CACNA1G: variants seen among roughly 807,000 people sequenced by gnomAD.
The protein encoded by CACNA1G is calcium voltage-gated channel subunit alpha1 G.
CACNA1G carries 67 observed loss-of-function variants against 219.4 expected under a neutral mutation model. The observed-to-expected ratio is 0.31, with a 90% CI of 0.25 to 0.37. The LOEUF (loss-of-function observed/expected upper bound fraction) is 0.37. CACNA1G is among the 10% of genes least tolerant of loss of function. The pLI is 1.00. For missense variants in CACNA1G, 2,380 were observed against 3,231.4 expected (o/e 0.74, Z 6.39); for synonymous variants, 1,296 against 1,345.3 (o/e 0.96, Z 0.80).
intron 19 of CACNA1G, among the ~76,000 whole-genome samples, chr17:50,601,926 C>A (rs554952717): frequency 1.3e-5 from 2 of 152,136 alleles, no homozygotes; most frequent in Non-Finnish European, 1.5e-5. Flanking sequence ...TAGATTTCAG[C>A]GCTGCTGGGG....
intron 8 of CACNA1G, among the ~76,000 whole-genome samples, chr17:50,576,809 G>A (rs567989292): frequency 1.3e-5 from 2 of 152,360 alleles, no homozygotes; most frequent in South Asian, 4.1e-4. Context: ...TTGTTGTGAG[G>A]CTCAGAGAGG....
intron 14 of CACNA1G, among the ~76,000 whole-genome samples, chr17:50,595,734 A>T (rs1040582692): frequency 1.3e-5 from 2 of 152,238 alleles, no homozygotes; most frequent in Non-Finnish European, 2.9e-5. Flanking sequence ...CGAAGCCAGC[A>T]TTCCTGTGGG....
At position 50,623,950 on chromosome 17, in the gene CACNA1G, C is replaced by T; in HGVS notation, c.6104C>T (p.Thr2035Ile). The T allele has an allele frequency of 6.2e-7, 1 of 1,613,320 alleles. No individual in the cohort carries two copies. The highest frequency in any genetic ancestry group is 8.5e-7 in the Non-Finnish European group (1 of 1,179,814). ...PTELPGPDLL[T>I]VRKSGVSRTH... ...GAGCTGCCAGGACCAGACTTACTGACTGTGCGGAAGTCTGGGGTCAGCCGA... is the reference window on the plus strand; with the variant it reads ...GAGCTGCCAGGACCAGACTTACTGATTGTGCGGAAGTCTGGGGTCAGCCGA... Residue 2035 changes from threonine to isoleucine, a missense_variant, in exon 36 of 38, where the codon ACT (threonine) becomes ATT (isoleucine). Thr to Ile is a moderately conservative substitution (Grantham distance 89, BLOSUM62 -1). This residue lies in a region of CACNA1G where 672 missense variants were observed against 670.5 expected (regional missense o/e 1.00). Transcript: ENST00000359106.
intron 26 of CACNA1G, among the ~76,000 whole-genome samples, chr17:50,612,408 G>C (rs1442369274): frequency 2.6e-5 from 4 of 152,248 alleles, no homozygotes; most frequent in African/African-American, 9.7e-5. Context: ...AGGGACCGGG[G>C]CTGCTGGGTC....
chr17:50,591,625 G>GGGC lies in CACNA1G; in HGVS notation c.2639+9_2639+11dup, dbSNP rs779696128. On this transcript the variant is annotated splice_donor_region_variant and intron_variant, in intron 11 of 37. Coordinates refer to ENST00000359106, the MANE Select transcript of CACNA1G (RefSeq NM_018896.5). ...GCTCTTCATCTTCATCTTCAGGTGA[G>GGGC]GGCGGCATGGCACCTTGCCGGCTGA... 3 of 1,612,632 alleles carry GGGC rather than the reference G, an allele frequency of 1.9e-6. No individual in the cohort carries two copies. The South Asian group carries it at 3.3e-5, about 18-fold the overall frequency.
At position 50,626,332 on chromosome 17, in the gene CACNA1G, T is replaced by TC; in HGVS notation, c.6719dup (p.Arg2241ThrfsTer24). On this transcript the variant is annotated frameshift_variant, in exon 38 of 38. Transcript: ENST00000359106. LOFTEE classifies it high-confidence loss of function. This position sits in a 1 kb window ranked among gnomAD's most constrained non-coding sequence, Gnocchi z 4.3. ...CCCTGGCGGCCAGGAGGAGCCCCCATCCCCACGGGACCTGAAGAAGTGCTA... is the reference window on the plus strand; with the variant it reads ...CCCTGGCGGCCAGGAGGAGCCCCCATCCCCCACGGGACCTGAAGAAGTGCTA... 2 of 1,612,892 alleles carry TC rather than the reference T, an allele frequency of 1.2e-6. No individual in the cohort carries two copies. The highest frequency in any genetic ancestry group is 1.7e-6 in the Non-Finnish European group (2 of 1,179,774).
At chr17:50,609,586 G>C (rs1324469679) in intron 25 of CACNA1G, among the ~76,000 whole-genome samples, 1 of 152,148 alleles carries the variant, frequency 6.6e-6, no homozygotes, top group Non-Finnish European at 1.5e-5. Context: ...GCTGTCTCAG[G>C]TGCAGCTGAG....
At chr17:50,562,882 C>T (rs1052511440) in intron 1 of CACNA1G, among the ~76,000 whole-genome samples, 5 of 152,052 alleles carry the variant, frequency 3.3e-5, no homozygotes, top group Non-Finnish European at 2.9e-5. Flanking sequence ...TAGCTCAAAG[C>T]GCCACTTGAC....
At chr17:50,610,978 G>A (rs1207165370) in intron 26 of CACNA1G, among the ~76,000 whole-genome samples, 3 of 152,092 alleles carry the variant, frequency 2.0e-5, no homozygotes, top group Admixed American at 6.5e-5. Context: ...CATAAGGGCC[G>A]GGCACAGTGG....
rs60600513 is a variant in CACNA1G at position 50,572,674 on chromosome 17, C to A, written c.867C>A (p.Arg289=). ...MRSCRSVPTL[R]GDGGGGPPCG... is the part of the protein sequence containing the mutation. ...CCTGCAGAAGCGTGCCCACGCTGCG[C>A]GGGGACGGGGGCGGTGGCCCACCTT... The change falls in exon 6 of 38, where the codon CGC becomes CGA. Residue 289 remains arginine (R), a synonymous_variant. Transcript: ENST00000359106. 3 of 1,611,360 alleles carry A rather than the reference C, an allele frequency of 1.9e-6. No homozygotes were observed. In the Admixed American group the frequency reaches 5.0e-5, roughly 27 times the overall value.
chr17:50,570,612 G>A (rs1253688355), intron 4 of CACNA1G, among the ~76,000 whole-genome samples: 3 of 120,674 alleles, frequency 2.5e-5, no homozygotes, highest in African/African-American at 1.0e-4. Context: ...CCCCTGGGAG[G>A]GCAGAGCTGT....
rs761607823 is a variant in CACNA1G at position 50,591,459 on chromosome 17, G to A, written c.2478G>A (p.Gln826=). 1 of 1,588,884 alleles carries A rather than the reference G, an allele frequency of 6.3e-7. No individual in the cohort carries two copies. The highest frequency in any genetic ancestry group is 8.6e-7 in the Non-Finnish European group (1 of 1,168,676). The stretch of plus-strand genomic sequence containing the variant: ...GCGTGTGGGAGATCGTGGGCCAGCA[G>A]GGGGGCGGCCTGTCGGTGCTGCGGA... ...VISVWEIVGQ[Q]GGGLSVLRTF... Residue 826 remains glutamine (Q), a synonymous_variant, in exon 11 of 38, where the codon CAG becomes CAA. Transcript: ENST00000359106.
chr17:50,619,096 A>G lies in CACNA1G; in HGVS notation c.5781+88A>G, dbSNP rs1425894837. 5.6e-6 allele frequency: 6 copies of G among 1,064,938 alleles called. No homozygotes were observed. The African/African-American group carries it at 8.0e-5, about 14-fold the overall frequency. 66.0% of individuals were successfully genotyped at this position (1,064,938 alleles called of 1,614,324 possible). A position where few individuals can be genotyped will look rare whatever the true frequency, so the allele number is the denominator to read the frequency against. On this transcript the variant is annotated intron_variant, in intron 33 of 37. Coordinates refer to ENST00000359106, the MANE Select transcript of CACNA1G (RefSeq NM_018896.5). ...TGGGCGGGAGCCAAGCGGGCAGCACACAAACCCTAGGCTCCTCCTGGAGGC... is the reference window on the plus strand; with the variant it reads ...TGGGCGGGAGCCAAGCGGGCAGCACGCAAACCCTAGGCTCCTCCTGGAGGC...
At chr17:50,624,885 G>A (rs750441133) in intron 37 of CACNA1G, among the ~76,000 whole-genome samples, 1 of 151,838 alleles carries the variant, frequency 6.6e-6, no homozygotes, top group Non-Finnish European at 1.5e-5. Context: ...CTGAGCTATG[G>A]GGCACAAGGC....
chr17:50,578,507 A>T lies in CACNA1G; in HGVS notation c.2244A>T (p.Gly748=). ...TGGACAGCAAGTACTTTGGCCGGGG[A>T]ATCATGATCGCCATCCTGGTCAACA... The part of the protein sequence containing the change: ...KIVDSKYFGR[G]IMIAILVNTL... The change falls in exon 9 of 38, where the codon GGA becomes GGT. Residue 748 remains glycine, a synonymous_variant. Coordinates refer to ENST00000359106, the MANE Select transcript of CACNA1G (RefSeq NM_018896.5). The surrounding 1 kb of genome is among the most constrained non-coding windows in gnomAD (Gnocchi z 4.5). 6.3e-7 allele frequency: 1 copy of T among 1,583,292 alleles called. No individual in the cohort carries two copies. The highest frequency in any genetic ancestry group is 8.6e-7 in the Non-Finnish European group (1 of 1,162,760).
At chr17:50,606,345 T>A in intron 23 of CACNA1G, 3 of 630,048 alleles carry the variant, frequency 4.8e-6, no homozygotes, top group Non-Finnish European at 8.6e-6. Flanking sequence ...CAGCCCTGGA[T>A]GTGAATCCTG....
rs748986353 is a variant in CACNA1G at position 50,621,828 on chromosome 17, C to T, written c.6060+34C>T. The T allele has an allele frequency of 6.8e-6, 11 of 1,609,920 alleles. No individual in the cohort carries two copies. Among genetic ancestry groups the T allele is most frequent in the Non-Finnish European group, 9.3e-6 (11 of 1,178,796 alleles). ...ACACTGCCCTCACTGCTCCCGGCCA[C>T]CCCCGGGGCTGGACTGGCTGCAGGG... is the stretch of plus-strand genomic sequence containing the variant. On this transcript the variant is annotated intron_variant, in intron 35 of 37. Coordinates refer to ENST00000359106, the MANE Select transcript of CACNA1G (RefSeq NM_018896.5). The surrounding 1 kb of genome is among the most constrained non-coding windows in gnomAD (Gnocchi z 4.6).
In CACNA1G at chr17:50,603,306, A is replaced by T; in HGVS notation, c.4169+107A>T. The stretch of plus-strand genomic sequence containing the variant: ...CACGAAACAAAAGCCTGCACAGGCC[A>T]GCATCCTGTCTGTGACCCCCACAGG... On this transcript the variant is annotated intron_variant, in intron 21 of 37. Coordinates refer to ENST00000359106, the MANE Select transcript of CACNA1G (RefSeq NM_018896.5). This position sits in a 1 kb window ranked among gnomAD's most constrained non-coding sequence, Gnocchi z 6.4. 1 of 945,920 alleles carries T rather than the reference A, an allele frequency of 1.1e-6. No homozygotes were observed. Among genetic ancestry groups the T allele is most frequent in the Non-Finnish European group, 1.6e-6 (1 of 633,234 alleles). 58.6% of individuals were successfully genotyped at this position (945,920 alleles called of 1,614,324 possible).
intron 27 of CACNA1G, 63 bp from the exon 28 acceptor site, chr17:50,616,212 C>T (rs866195333): frequency 5.5e-5 from 53 of 968,822 alleles, no homozygotes; most frequent in East Asian, 4.7e-4. Flanking sequence ...GATGGAGGGG[C>T]GGGGGGACAA....
Sources: allele counts gnomAD v4.1 joint callset (sites outside exome capture counted in the v4.1 genomes callset), GRCh38; gene constraint gnomAD v4.1.1; regional missense constraint gnomAD v4.1.1; non-coding constraint Gnocchi (gnomAD v3.1); transcripts MANE v1.5; gene names NCBI Gene and HGNC (gene_info 2026-07-23, HGNC 2026-07-21).